The following HYDIN variants were observed in gnomAD, a reference collection of about 807,000 sequenced individuals.
The protein encoded by HYDIN is axonemal central pair apparatus protein HYDIN.
HYDIN carries 132 observed loss-of-function variants against 403.9 expected under a neutral mutation model. The observed-to-expected ratio is 0.33, with a 90% CI of 0.28 to 0.38. The LOEUF (loss-of-function observed/expected upper bound fraction) is 0.38, where lower values mean the gene tolerates loss of function less well. Among genes scored for constraint, HYDIN ranks in the 10% least tolerant of loss-of-function variants. The probability of loss-of-function intolerance (pLI) is 1.00; values close to 1 mark genes in which losing one functional copy is unlikely to be tolerated. For missense variants in HYDIN, 2,827 were observed against 5,009.5 expected (o/e 0.56, Z 13.15); for synonymous variants, 1,202 against 1,891.7 (o/e 0.64, Z 9.46).
chr16:71,030,389 A>ATG (rs1364562269), intron 19 of HYDIN, among the ~76,000 whole-genome samples: 1 of 150,890 alleles, frequency 6.6e-6, no homozygotes, highest in African/African-American at 2.4e-5. Context: ...ATACATATAT[A>ATG]TGTGTGTGTG....
intron 18 of HYDIN, among the ~76,000 whole-genome samples, chr16:71,045,682 T>G (rs2081429818): frequency 8.7e-6 from 1 of 115,552 alleles, no homozygotes. Context: ...GGACAGCTCC[T>G]GAGCACACAG....
chr16:71,210,539 A>G lies in HYDIN; in HGVS notation c.-24+20023T>C, dbSNP rs140065966. Among the ~76,000 whole-genome samples, 285 of 152,306 alleles carry G rather than the reference A, an allele frequency of 1.9e-3. 5 individuals carry two copies. Among genetic ancestry groups the G allele is most frequent in the African/African-American group, 6.5e-3 (269 of 41,556 alleles). On this transcript the variant is annotated intron_variant, in intron 1 of 85. Transcript: ENST00000393567. ...GTGGGAGGAGTGAGAGGTTCAGAAA[A>G]AAAAAAGCTTTCAGGTACTATGCTT...
intron 20 of HYDIN, 196 bp downstream of exon 20, chr16:71,027,406 A>T: frequency 6.8e-7 from 1 of 1,460,784 alleles, no homozygotes; most frequent in Non-Finnish European, 9.0e-7. Flanking sequence ...CACAGTAGCT[A>T]CAGAAACAAA....
intron 67 of HYDIN, among the ~76,000 whole-genome samples, chr16:70,865,924 T>C (rs1346542554): frequency 6.6e-6 from 1 of 152,242 alleles, no homozygotes; most frequent in African/African-American, 2.4e-5. Context: ...CTAAAGTGGA[T>C]TGCCTGATGC....
At chr16:71,048,257 G>A (rs2081516519) in intron 18 of HYDIN, among the ~76,000 whole-genome samples, 2 of 149,170 alleles carry the variant, frequency 1.3e-5, no homozygotes, top group Non-Finnish European at 3.0e-5. Flanking sequence ...GGACACTTAG[G>A]TTGGTTCCAC....
chr16:70,858,976 T>G (rs527317678), intron 71 of HYDIN, among the ~76,000 whole-genome samples: 152 of 151,574 alleles, frequency 1.0e-3, no homozygotes, highest in Middle Eastern at 3.4e-3. Flanking sequence ...ATGAACTAGC[T>G]ACCAGCATGT....
At position 70,802,225 on chromosome 16, in the gene HYDIN, A is replaced by G. The variant is rs529173525; in HGVS notation, c.*5355T>C. ...AGGCAGAATTCTAGGATGACCTCCA[A>G]TATTCCCACCCCTTCGTGTTCATGC... On this transcript the variant is annotated 3_prime_UTR_variant, in exon 86 of 86. Coordinates refer to ENST00000393567, the MANE Select transcript of HYDIN (RefSeq NM_001270974.2). The G allele has an allele frequency of 6.6e-6, 1 of 152,320 alleles. No individual in the cohort carries two copies. Among genetic ancestry groups the G allele is most frequent in the South Asian group, 2.1e-4 (1 of 4,824 alleles). 9.4% of individuals were successfully genotyped at this position (152,320 alleles called of 1,614,324 possible).
intron 23 of HYDIN, among the ~76,000 whole-genome samples, chr16:71,000,185 A>G (rs2079657711): frequency 6.6e-6 from 1 of 152,190 alleles, no homozygotes; most frequent in Non-Finnish European, 1.5e-5. Context: ...CCAAGCGGAC[A>G]CATCCCTGAC....
At chr16:70,951,057 A>G (rs1362676429) in intron 41 of HYDIN, among the ~76,000 whole-genome samples, 3 of 152,108 alleles carry the variant, frequency 2.0e-5, no homozygotes, top group Admixed American at 2.0e-4. Context: ...CAACACAGCG[A>G]GATCCCATCC....
At chr16:70,980,469 G>A (rs1379437380) in intron 29 of HYDIN, among the ~76,000 whole-genome samples, 3 of 150,150 alleles carry the variant, frequency 2.0e-5, no homozygotes, top group Non-Finnish European at 4.5e-5. Context: ...TTGCACCACT[G>A]TATTTCAGCC....
intron 59 of HYDIN, 92 bp from the exon 60 acceptor site, chr16:70,882,987 G>A (rs571230537): frequency 9.9e-7 from 1 of 1,006,382 alleles, no homozygotes; most frequent in African/African-American, 1.6e-5. Context: ...TCTCACAAAG[G>A]AGAATTGTGG....
intron 58 of HYDIN, among the ~76,000 whole-genome samples, chr16:70,888,950 G>A (rs2143710936): frequency 6.6e-6 from 1 of 152,412 alleles, no homozygotes; most frequent in South Asian, 2.1e-4. Flanking sequence ...CTTTCTAGGG[G>A]CAACCTAGAA....
At chr16:70,917,324 G>A (rs1409266747) in intron 47 of HYDIN, among the ~76,000 whole-genome samples, 2 of 152,248 alleles carry the variant, frequency 1.3e-5, no homozygotes, top group Non-Finnish European at 2.9e-5. Flanking sequence ...CATGCCCACC[G>A]ACGCTACTGA....
intron 1 of HYDIN, among the ~76,000 whole-genome samples, chr16:71,222,739 C>CA (rs1217254178): frequency 6.6e-6 from 1 of 151,692 alleles, no homozygotes; most frequent in African/African-American, 2.4e-5. Context: ...ACAACAGCTG[C>CA]AAAAAAATAA....
At chr16:70,945,911 G>A (rs1173436031) in intron 41 of HYDIN, among the ~76,000 whole-genome samples, 3 of 152,200 alleles carry the variant, frequency 2.0e-5, no homozygotes, top group Non-Finnish European at 1.5e-5. Context: ...GTGTGAGGAC[G>A]AGGAGGCAGG....
At chr16:71,105,253 T>C (rs999098072) in intron 10 of HYDIN, among the ~76,000 whole-genome samples, 26 of 151,824 alleles carry the variant, frequency 1.7e-4, no homozygotes, top group African/African-American at 5.6e-4. Flanking sequence ...GAATACATCA[T>C]AGTGAGACCA....
intron 1 of HYDIN, among the ~76,000 whole-genome samples, chr16:71,203,266 A>T (rs1204770624): frequency 1.3e-5 from 2 of 152,194 alleles, no homozygotes; most frequent in Non-Finnish European, 2.9e-5. Flanking sequence ...TGATCCTGTG[A>T]ACCATCCTAG....
intron 1 of HYDIN, among the ~76,000 whole-genome samples, chr16:71,210,998 A>G (rs565457014): frequency 5.3e-5 from 8 of 152,166 alleles, no homozygotes; most frequent in Non-Finnish European, 1.2e-4. Flanking sequence ...AAAATCATAT[A>G]ACATGACATA....
At chr16:70,866,554 C>T (rs938156000) in intron 66 of HYDIN, among the ~76,000 whole-genome samples, 4 of 151,868 alleles carry the variant, frequency 2.6e-5, no homozygotes, top group Non-Finnish European at 5.9e-5. Flanking sequence ...TGGATCCTTG[C>T]TTCACAACAT....
Sources: gnomAD v4.1 joint callset for allele counts (sites outside exome capture counted in the v4.1 genomes callset) on GRCh38, gnomAD v4.1.1 for gene constraint, MANE v1.5 for transcripts, NCBI Gene and HGNC (gene_info 2026-07-23, HGNC 2026-07-21) for gene names.